STARD7: variants seen among roughly 807,000 people sequenced by gnomAD.
STARD7 encodes StAR related lipid transfer domain containing 7.
In STARD7, 30 loss-of-function variants were observed where a neutral mutation model predicts 45.3. That is an observed-to-expected ratio of 0.66 (90% confidence interval 0.50 to 0.90). The LOEUF (loss-of-function observed/expected upper bound fraction) is 0.90, where lower values mean the gene tolerates loss of function less well. STARD7 is among the 40% of genes least tolerant of loss of function. The pLI is 0.00. For missense variants in STARD7, 495 were observed against 491.3 expected, an observed-to-expected ratio of 1.01 and a Z score of -0.07; for synonymous variants, 199 against 183.0, an observed-to-expected ratio of 1.09 and a Z score of -0.70.
At chr2:96,199,409 G>A (rs1477643880) in intron 1 of STARD7, among the ~76,000 whole-genome samples, 6 of 151,958 alleles carry the variant, frequency 3.9e-5, no homozygotes, top group East Asian at 1.9e-4. Flanking sequence ...TAATTTATTC[G>A]TATGTATTTA....
chr2:96,205,810 C>T lies in STARD7; in HGVS notation c.290+2335G>A, dbSNP rs557179402. ...ATGTAGTTGTTGAATAGCATATTTG[C>T]CTTCCTATCACATTAACAAATATTT... On this transcript the variant is annotated intron_variant, in intron 1 of 7. Coordinates refer to ENST00000337288, the MANE Select transcript of STARD7 (RefSeq NM_020151.4). Among the ~76,000 whole-genome samples the T allele has an allele frequency of 2.6e-5, 4 of 152,228 alleles. No individual in the cohort carries two copies. The East Asian group carries it at 7.7e-4, about 29-fold the overall frequency.
At chr2:96,208,004 G>A (rs1683425246) in intron 1 of STARD7, 141 bp downstream of exon 1, 6 of 720,566 alleles carry the variant, frequency 8.3e-6, no homozygotes, top group Non-Finnish European at 1.3e-5. Flanking sequence ...TAACAACGCG[G>A]TTTGCTGAAG....
intron 6 of STARD7, among the ~76,000 whole-genome samples, chr2:96,189,745 T>C (rs948670104): frequency 2.0e-5 from 3 of 151,650 alleles, no homozygotes; most frequent in Non-Finnish European, 4.4e-5. Context: ...GTACACAGTA[T>C]GCACATCCTG....
chr2:96,208,494 C>T lies in STARD7; in HGVS notation c.-60G>A. 1.5e-6 allele frequency: 2 copies of T among 1,318,574 alleles called. No homozygotes were observed. The highest frequency in any genetic ancestry group is 1.9e-6 in the Non-Finnish European group (2 of 1,034,048). 81.7% of individuals were successfully genotyped at this position (1,318,574 alleles called of 1,614,324 possible). A position where few individuals can be genotyped will look rare whatever the true frequency, so the allele number is the denominator to read the frequency against. ...GGCCCAAGGAACCAGTCCGGAGGGG[C>T]GCAGGCGGTGGTCGCAGCGTCCCCC... is the stretch of plus-strand genomic sequence containing the variant. On this transcript the variant is annotated 5_prime_UTR_variant, in exon 1 of 8. Coordinates refer to ENST00000337288, the MANE Select transcript of STARD7 (RefSeq NM_020151.4).
rs767936137 is a variant in STARD7 at position 96,195,371 on chromosome 2, T to C, written c.469A>G (p.Ile157Val). The C allele has an allele frequency of 1.1e-5, 18 of 1,587,454 alleles. No individual in the cohort carries two copies. The highest frequency in any genetic ancestry group is 1.5e-5 in the Non-Finnish European group (18 of 1,166,718). The change falls in exon 2 of 8, where the codon ATT (isoleucine) becomes GTT (valine). Residue 157 changes from isoleucine (I) to valine (V), a missense_variant. Ile to Val is a conservative substitution (Grantham distance 29). Transcript: ENST00000337288. ...KKHFKLWRRP[I>V]TGTHLYQYRV... Reference sequence around the variant, plus strand: ...TACTGGTAAAGGTGGGTGCCTGTAATTGGGCGCCGCCACAGCTTAAAGTGT... The same window carrying C: ...TACTGGTAAAGGTGGGTGCCTGTAACTGGGCGCCGCCACAGCTTAAAGTGT...
intron 1 of STARD7, among the ~76,000 whole-genome samples, chr2:96,206,787 C>G (rs1378933628): frequency 1.7e-5 from 2 of 116,632 alleles, no homozygotes. Context: ...GGCGACAGAG[C>G]GAGACTCCGT....
chr2:96,198,288 A>G (rs1444375570), intron 1 of STARD7, among the ~76,000 whole-genome samples: 1 of 150,414 alleles, frequency 6.6e-6, no homozygotes, highest in Non-Finnish European at 1.5e-5. Flanking sequence ...GCACCACTTC[A>G]CTCCAGCCTG....
chr2:96,204,337 G>A (rs944640651), intron 1 of STARD7, among the ~76,000 whole-genome samples: 3 of 151,226 alleles, frequency 2.0e-5, no homozygotes, highest in Non-Finnish European at 2.9e-5. Flanking sequence ...GGCGGATCAC[G>A]AGGTCAAGAG....
chr2:96,192,443 C>G lies in STARD7; in HGVS notation c.769G>C (p.Glu257Gln), dbSNP rs1683139567. The G allele has an allele frequency of 1.2e-6, 2 of 1,613,910 alleles. No homozygotes were observed. The highest frequency in any genetic ancestry group is 1.7e-6 in the Non-Finnish European group (2 of 1,179,812). The change falls in exon 6 of 8, where the codon GAG becomes CAG. Residue 257 changes from glutamate to glutamine, a missense_variant. Physicochemically the swap from Glu to Gln is conservative, Grantham distance 29. This residue lies in a region of STARD7 where 213 missense variants were observed against 271.2 expected (regional missense o/e 0.79). Transcript: ENST00000337288. ...SRAVEHPSVP[E>Q]SPEFVRVRSY... is the part of the protein sequence containing the mutation. ...CTGACCCTGACGAATTCTGGAGACT[C>G]TGGCACACTCGGATGCTCCACAGCA...
At chr2:96,204,564 C>G (rs1313014705) in intron 1 of STARD7, among the ~76,000 whole-genome samples, 1 of 149,960 alleles carries the variant, frequency 6.7e-6, no homozygotes, top group African/African-American at 2.4e-5. Context: ...CGGAAGGGGG[C>G]GGGAGGGAAG....
intron 7 of STARD7, 51 bp from the exon 8 acceptor site, chr2:96,186,965 C>T: frequency 1.3e-6 from 2 of 1,523,368 alleles, no homozygotes; most frequent in South Asian, 1.2e-5. Flanking sequence ...CAACAGTAGG[C>T]TCAAAATGAG....
At position 96,186,739 on chromosome 2, in the gene STARD7, C is replaced by G; in HGVS notation, c.1104G>C (p.Glu368Asp). The G allele has an allele frequency of 2.5e-6, 4 of 1,609,240 alleles. No homozygotes were observed. Among genetic ancestry groups the G allele is most frequent in the Non-Finnish European group, 3.4e-6 (4 of 1,178,066 alleles). Residue 368 changes from glutamate (E) to aspartate (D), a missense_variant, in exon 8 of 8, where the codon GAG becomes GAC. Glu to Asp is a conservative substitution (Grantham distance 45). Coordinates refer to ENST00000337288, the MANE Select transcript of STARD7 (RefSeq NM_020151.4). ...NEGSCGPARI[E>D]YA Reference sequence around the variant, plus strand: ...CTTATCCCAAAGCCTGTCAAGCATACTCAATCCGAGCAGGGCCACAGCTGC... The same window carrying G: ...CTTATCCCAAAGCCTGTCAAGCATAGTCAATCCGAGCAGGGCCACAGCTGC...
chr2:96,190,637 T>A (rs765178052), intron 6 of STARD7, among the ~76,000 whole-genome samples: 3 of 151,430 alleles, frequency 2.0e-5, no homozygotes, highest in Non-Finnish European at 4.4e-5. Flanking sequence ...TGCGCCTGGC[T>A]TTTTTATTTT....
At position 96,194,978 on chromosome 2, in the gene STARD7, G is replaced by A. The variant is rs369340448; in HGVS notation, c.529C>T (p.Arg177Trp). ...VFGTYTDVTP[R>W]QFFNVQLDTE... ...CTCACCTGAACATTGAAGAACTGCC[G>A]AGGTGTCACATCTGTGTAGGTTCCA... The change falls in exon 3 of 8, where the codon CGG becomes TGG. Residue 177 changes from arginine (R) to tryptophan (W), a missense_variant. Coordinates refer to ENST00000337288, the MANE Select transcript of STARD7 (RefSeq NM_020151.4). The A allele has an allele frequency of 1.6e-5, 26 of 1,610,354 alleles. No homozygotes were observed. The highest frequency in any genetic ancestry group is 2.2e-5 in the East Asian group (1 of 44,832).
intron 1 of STARD7, among the ~76,000 whole-genome samples, chr2:96,204,286 G>A (rs1683353413): frequency 6.6e-6 from 1 of 150,964 alleles, no homozygotes; most frequent in African/African-American, 2.4e-5. Flanking sequence ...TGGGCGTGAT[G>A]TCTCATGCCT....
Position 96,192,480 on chromosome 2 carries a change from G to A in STARD7, c.744-12C>T, listed in dbSNP as rs766052925. On this transcript the variant is annotated splice_polypyrimidine_tract_variant and intron_variant, in intron 5 of 7. Coordinates refer to ENST00000337288, the MANE Select transcript of STARD7 (RefSeq NM_020151.4). ...GATGCTCCACAGCACTGGTAAGGAG[G>A]AAAGGAGAAGCAAACTCTTAGTAAT... 2.5e-6 allele frequency: 4 copies of A among 1,601,024 alleles called. No individual in the cohort carries two copies. Among genetic ancestry groups the A allele is most frequent in the Non-Finnish European group, 3.4e-6 (4 of 1,168,064 alleles).
chr2:96,197,698 C>A (rs1573944205), intron 1 of STARD7, among the ~76,000 whole-genome samples: 1 of 152,282 alleles, frequency 6.6e-6, no homozygotes, highest in African/African-American at 2.4e-5. Context: ...TTATCACCCC[C>A]AAAAGAAACC....
rs1328881142 is a variant in STARD7 at position 96,195,581 on chromosome 2, G to A, written c.291-32C>T. 5 of 1,562,226 alleles carry A rather than the reference G, an allele frequency of 3.2e-6. No homozygotes were observed. In the Admixed American group the frequency reaches 5.2e-5, roughly 16 times the overall value. On this transcript the variant is annotated intron_variant, in intron 1 of 7. Transcript: ENST00000337288. ...AGGGGAAAAAGAGCCATGGTGAGGT[G>A]GTTAGTCAGCCCTGTGAAATGAAGT...
chr2:96,199,052 C>T (rs1683267198), intron 1 of STARD7, among the ~76,000 whole-genome samples: 1 of 152,158 alleles, frequency 6.6e-6, no homozygotes, highest in South Asian at 2.1e-4. Context: ...TATCCTTATG[C>T]CAGTACCACA....
Sources: allele counts gnomAD v4.1 joint callset (sites outside exome capture counted in the v4.1 genomes callset), GRCh38; gene constraint gnomAD v4.1.1; regional missense constraint gnomAD v4.1.1; transcripts MANE v1.5; gene names NCBI Gene and HGNC (gene_info 2026-07-23, HGNC 2026-07-21).